Variants in INTS13 observed in about 807,000 individuals in gnomAD.
INTS13 encodes asunder, spermatogenesis regulator homolog (Drosphila).
Under a neutral mutation model 90.2 loss-of-function variants are expected in INTS13, and 35 were observed. The ratio of observed to expected loss-of-function variants is 0.39; its 90% CI spans 0.30 to 0.51. The LOEUF is 0.51. Among genes scored for constraint, INTS13 ranks in the 20% least tolerant of loss-of-function variants. INTS13 has a pLI of 0.80. For synonymous variants in INTS13, 309 were observed against 277.1 expected (o/e 1.11, Z -1.14); for missense variants, 601 against 851.2 (o/e 0.71, Z 3.66).
In INTS13 at chr12:26,913,968, A is replaced by T; in HGVS notation, c.1574+6T>A. The T allele has an allele frequency of 6.3e-7, 1 of 1,595,264 alleles. No individual in the cohort carries two copies. ...TCTATAAAGTAAGAAAGAAAAAAAA[A>T]TGTACCTTTTAGGGCCCTTTCCTCT... On this transcript the variant is annotated splice_donor_region_variant and intron_variant, in intron 13 of 16. Transcript: ENST00000261191.
At chr12:26,928,376 G>A (rs2137536402) in intron 4 of INTS13, 91 bp from the exon 5 acceptor site, 1 of 1,011,236 alleles carries the variant, frequency 9.9e-7, no homozygotes, top group Non-Finnish European at 1.5e-6. Flanking sequence ...TGGTGTTATA[G>A]ACATTTAAAG....
intron 5 of INTS13, 59 bp from the exon 6 acceptor site, chr12:26,925,910 C>G (rs1412832811): frequency 8.2e-7 from 1 of 1,219,658 alleles, no homozygotes; most frequent in Non-Finnish European, 1.2e-6. Context: ...AGAATTCAAG[C>G]AGGTAAACTA....
intron 3 of INTS13, among the ~76,000 whole-genome samples, chr12:26,932,500 G>A (rs1271275880): frequency 1.3e-5 from 2 of 152,152 alleles, no homozygotes; most frequent in Non-Finnish European, 2.9e-5. Flanking sequence ...ACATTCTTTG[G>A]AAGAACTGAA....
Position 26,914,137 on chromosome 12 carries a change from T to A in INTS13, c.1420-9A>T. The A allele has an allele frequency of 6.4e-7, 1 of 1,550,998 alleles. No individual in the cohort carries two copies. ...CTGGCTAATGGAACTACCTGTTAGA[T>A]TTTTTTTAAAGAAAAAAGAAAATCT... On this transcript the variant is annotated splice_polypyrimidine_tract_variant and intron_variant, in intron 12 of 16. Transcript: ENST00000261191.
rs1202336311 is a variant in INTS13, at chr12:26,906,405, T to C, written c.1978A>G (p.Arg660Gly). Residue 660 changes from arginine (R) to glycine (G), a missense_variant, in exon 16 of 17, where the codon AGA becomes GGA. Physicochemically the swap from Arg to Gly is moderately radical, Grantham distance 125. This residue lies in a region of INTS13 where 228 missense variants were observed against 272.5 expected (regional missense o/e 0.84). Coordinates refer to ENST00000261191, the MANE Select transcript of INTS13 (RefSeq NM_018164.3). ...PVSLLSLWSNRINTANSRKHQ... is the reference protein window; with the variant it reads ...PVSLLSLWSNGINTANSRKHQ... ...TTTCTGGAATTGGCAGTATTGATTC[T>C]ATTACTCCACAAGGATAATAACGAC... 1 of 1,612,430 alleles carries C rather than the reference T, an allele frequency of 6.2e-7. No individual in the cohort carries two copies. The highest frequency in any genetic ancestry group is 1.1e-5 in the South Asian group (1 of 90,864).
rs372501532 is a variant in INTS13 at position 26,906,456 on chromosome 12, G to A, written c.1946-19C>T. On this transcript the variant is annotated intron_variant, in intron 15 of 16. Coordinates refer to ENST00000261191, the MANE Select transcript of INTS13 (RefSeq NM_018164.3). ...ACTGGCCCTAGTGTTATATTTAAAA[G>A]GAGAGAGAAAAAAAAGATAGAATAA... The A allele has an allele frequency of 4.2e-4, 670 of 1,582,154 alleles. 5 individuals carry two copies. The highest frequency in any genetic ancestry group is 3.2e-3 in the South Asian group (273 of 84,790).
Position 26,928,794 on chromosome 12 carries a change from C to G in INTS13, c.412G>C (p.Glu138Gln). ...AGAGTACGAGCCTCATGTTGGTATT[C>G]AGTAATTTTGCAGAGAGTTTCCACT... ...AAVETLCKIT[E>Q]YQHEARTLLM... The change falls in exon 4 of 17, where the codon GAA becomes CAA. Residue 138 changes from glutamate (E) to glutamine (Q), a missense_variant. Glu to Gln is a conservative substitution (Grantham distance 29). Around this residue, in one of 3 missense-constraint regions of INTS13, gnomAD observed 284 missense variants for 387.7 expected, o/e 0.73. Transcript: ENST00000261191. The G allele has an allele frequency of 6.2e-7, 1 of 1,614,156 alleles. No individual in the cohort carries two copies. Among genetic ancestry groups the G allele is most frequent in the African/African-American group, 1.3e-5 (1 of 75,036 alleles).
intron 15 of INTS13, among the ~76,000 whole-genome samples, chr12:26,910,094 T>C (rs1951730050): frequency 6.6e-6 from 1 of 152,186 alleles, no homozygotes; most frequent in Non-Finnish European, 1.5e-5. Context: ...AAACTAAACT[T>C]TTTAGCCTAT....
intron 3 of INTS13, 89 bp from the exon 4 acceptor site, chr12:26,928,994 T>C: frequency 8.7e-7 from 1 of 1,154,528 alleles, no homozygotes; most frequent in Non-Finnish European, 1.2e-6. Flanking sequence ...CACCAATGTA[T>C]CTTACATATA....
intron 13 of INTS13, 134 bp downstream of exon 13, chr12:26,913,840 T>A: frequency 8.9e-7 from 1 of 1,124,500 alleles, no homozygotes; most frequent in Non-Finnish European, 1.3e-6. Context: ...TTTCTATGAT[T>A]TTGTATTATT....
intron 3 of INTS13, among the ~76,000 whole-genome samples, chr12:26,930,906 G>C (rs1396469007): frequency 6.6e-6 from 1 of 152,120 alleles, no homozygotes; most frequent in Non-Finnish European, 1.5e-5. Flanking sequence ...TCTTAAAATT[G>C]TTTTTTCAGG....
At chr12:26,920,070 G>C (rs1290066663) in intron 8 of INTS13, among the ~76,000 whole-genome samples, 4 of 151,570 alleles carry the variant, frequency 2.6e-5, no homozygotes, top group African/African-American at 9.7e-5. Context: ...AGAGCTTGCA[G>C]TGAGCCAAGA....
intron 3 of INTS13, among the ~76,000 whole-genome samples, chr12:26,929,505 G>A (rs908297872): frequency 2.0e-5 from 3 of 151,588 alleles, no homozygotes; most frequent in Middle Eastern, 3.4e-3. Context: ...ACAATTGCTC[G>A]AGGCCAAGAG....
rs1227831065 is a variant in INTS13, at chr12:26,911,327, G to A, written c.1806-10C>T. 2.5e-6 allele frequency: 4 copies of A among 1,589,486 alleles called. No homozygotes were observed. The highest frequency in any genetic ancestry group is 2.3e-5 in the East Asian group (1 of 44,306). ...TAAGATTCCTTTTAATCTTTTAGAG[G>A]GACAAATAATGAAATGTAAAGTTCA... On this transcript the variant is annotated splice_polypyrimidine_tract_variant and intron_variant, in intron 14 of 16. Transcript: ENST00000261191.
At chr12:26,917,905 C>T (rs1457673557) in intron 8 of INTS13, among the ~76,000 whole-genome samples, 172 bp from the exon 9 acceptor site, 7 of 152,062 alleles carry the variant, frequency 4.6e-5, no homozygotes, top group African/African-American at 1.7e-4. Context: ...AGGTGGATCA[C>T]GAGGTCAGGA....
In INTS13 at chr12:26,936,792, A is replaced by G. The variant is rs1336814978; in HGVS notation, c.12T>C (p.Phe4=). The change falls in exon 2 of 17, where the codon TTT becomes TTC. Residue 4 remains phenylalanine, a synonymous_variant. Transcript: ENST00000261191. ...CAAACACTGTTTTATGAGATTCAGA[A>G]AAAATCTTCATTTTGTTTTAACCTG... The part of the protein sequence containing the change: MKI[F]SESHKTVFVV... The G allele has an allele frequency of 6.2e-7, 1 of 1,612,518 alleles. No individual in the cohort carries two copies. Among genetic ancestry groups the G allele is most frequent in the Non-Finnish European group, 8.5e-7 (1 of 1,178,760 alleles).
In INTS13 at chr12:26,924,304, T is replaced by C. The variant is rs750353470; in HGVS notation, c.804+51A>G. ...TACCACGCCTGGCCTCAAACAAATA[T>C]TTAAAAAGCAAAGCAGTGCTTTCAA... is the stretch of plus-strand genomic sequence containing the variant. On this transcript the variant is annotated intron_variant, in intron 7 of 16. Coordinates refer to ENST00000261191, the MANE Select transcript of INTS13 (RefSeq NM_018164.3). The C allele has an allele frequency of 1.9e-6, 3 of 1,591,242 alleles. No homozygotes were observed. The Admixed American group carries it at 5.2e-5, about 27-fold the overall frequency.
chr12:26,915,909 T>C (rs952484011), intron 11 of INTS13, 93 bp downstream of exon 11: 9 of 884,388 alleles, frequency 1.0e-5, no homozygotes, highest in Admixed American at 9.2e-5. Context: ...TCTCTTTTTT[T>C]CCACAGACCT....
chr12:26,911,574 CTTAAA>C (rs1003082791), intron 14 of INTS13, among the ~76,000 whole-genome samples: 6 of 151,892 alleles, frequency 4.0e-5, no homozygotes, highest in East Asian at 1.9e-4. Flanking sequence ...AAAGAAGATA[CTTAAA>C]TTAAAATTTA....
Sources: allele counts gnomAD v4.1 joint callset (sites outside exome capture counted in the v4.1 genomes callset), GRCh38; gene constraint gnomAD v4.1.1; regional missense constraint gnomAD v4.1.1; transcripts MANE v1.5; gene names NCBI Gene and HGNC (gene_info 2026-07-23, HGNC 2026-07-21).